The following KCNIP1 variants were observed in gnomAD, a reference collection of about 807,000 sequenced individuals.
KCNIP1 encodes A-type potassium channel modulatory protein KCNIP1.
A neutral mutation model predicts 33.0 loss-of-function variants in KCNIP1; 18 were observed. The observed-to-expected ratio is 0.55, with a 90% CI of 0.38 to 0.81. KCNIP1 has a LOEUF of 0.81. Among genes scored for constraint, KCNIP1 ranks in the 30% least tolerant of loss-of-function variants. The pLI is 0.00. For missense variants in KCNIP1, 238 were observed against 271.6 expected (o/e 0.88, Z 0.87); for synonymous variants, 93 against 98.3 (o/e 0.95, Z 0.32).
At chr5:170,503,770 A>G (rs1021812551), upstream of KCNIP1, among the ~76,000 whole-genome samples, 1 of 144,036 alleles carries the variant, frequency 6.9e-6, no homozygotes, top group African/African-American at 2.6e-5. Context: ...ACACATACAC[A>G]CACACAGTCT....
chr5:170,608,849 C>A (rs1759034983), intron 1 of KCNIP1, among the ~76,000 whole-genome samples: 1 of 152,092 alleles, frequency 6.6e-6, no homozygotes, highest in African/African-American at 2.4e-5. Context: ...CATATTACTC[C>A]CCCCTTACTC....
At chr5:170,390,327 G>A (rs529994857) in intron 1 of KCNIP1, among the ~76,000 whole-genome samples, 9 of 151,300 alleles carry the variant, frequency 5.9e-5, no homozygotes, top group African/African-American at 1.7e-4. Flanking sequence ...GCAACATGGC[G>A]AAACCCCATC....
intron 1 of KCNIP1, among the ~76,000 whole-genome samples, chr5:170,562,939 C>T (rs988377061): frequency 6.6e-6 from 1 of 152,242 alleles, no homozygotes; most frequent in Admixed American, 6.5e-5. Flanking sequence ...TTCTCCTGCA[C>T]TCTGGAAATG....
At chr5:170,631,009 C>A (rs532392842) in intron 1 of KCNIP1, among the ~76,000 whole-genome samples, 1 of 152,240 alleles carries the variant, frequency 6.6e-6, no homozygotes, top group East Asian at 1.9e-4. Flanking sequence ...AATAAGGGTA[C>A]GAGGCTTGAG....
chr5:170,390,539 T>TATATATATATATATATATATATATATA (rs1581143220), intron 1 of KCNIP1, among the ~76,000 whole-genome samples: 26 of 133,718 alleles, frequency 1.9e-4, no homozygotes, highest in Admixed American at 3.8e-4. Flanking sequence ...TATATATATA[T>TATATATATATATATATATATATATATA]TTTCAACAAA....
At chr5:170,611,713 T>C (rs1332725544) in intron 1 of KCNIP1, among the ~76,000 whole-genome samples, 2 of 152,266 alleles carry the variant, frequency 1.3e-5, no homozygotes, top group East Asian at 3.9e-4. Flanking sequence ...CTAATCGTTT[T>C]CAGAGGAAAG....
At chr5:170,587,273 T>C (rs118109483) in intron 1 of KCNIP1, among the ~76,000 whole-genome samples, 12,279 of 112,886 alleles carry the variant, frequency 0.11, 577 homozygotes, top group South Asian at 0.19. Context: ...ATAGAAAAAT[T>C]AGCCGGGTGT....
At chr5:170,629,558 C>T (rs1452115681) in intron 1 of KCNIP1, among the ~76,000 whole-genome samples, 2 of 152,200 alleles carry the variant, frequency 1.3e-5, no homozygotes, top group African/African-American at 4.8e-5. Context: ...CACCCCAGCA[C>T]ACTGTCCTTT....
chr5:170,468,971 C>G (rs1344649292), intron 1 of KCNIP1, among the ~76,000 whole-genome samples: 3 of 151,952 alleles, frequency 2.0e-5, no homozygotes, highest in Non-Finnish European at 4.4e-5. Flanking sequence ...CCAGAGGTAA[C>G]CATCATTACA....
At chr5:170,708,306 C>T (rs1455362843) in intron 1 of KCNIP1, among the ~76,000 whole-genome samples, 2 of 152,156 alleles carry the variant, frequency 1.3e-5, no homozygotes, top group African/African-American at 2.4e-5. Flanking sequence ...TCTTCAAATG[C>T]CAGCATGCCA....
chr5:170,508,411 A>G (rs1185786274), intron 1 of KCNIP1, among the ~76,000 whole-genome samples: 2 of 152,202 alleles, frequency 1.3e-5, no homozygotes, highest in East Asian at 3.8e-4. Context: ...CAGGGAACTT[A>G]TGGAAGCAGA....
At position 170,617,892 on chromosome 5, in the gene KCNIP1, C is replaced by T. The variant is rs765696742; in HGVS notation, c.62-100866C>T. Among the ~76,000 whole-genome samples the T allele has an allele frequency of 8.7e-4, 133 of 152,126 alleles. 1 individual carries two copies. The highest frequency in any genetic ancestry group is 1.4e-3 in the Non-Finnish European group (93 of 68,034). On this transcript the variant is annotated intron_variant, in intron 1 of 7. Transcript: ENST00000328939. Reference sequence around the variant, plus strand: ...ATCTATTGCACACTTACTTTTCCTTCGAGGTAGGTGAGAGAGTAAATAAGA... The same window carrying T: ...ATCTATTGCACACTTACTTTTCCTTTGAGGTAGGTGAGAGAGTAAATAAGA...
chr5:170,564,610 A>C (rs1341221030), intron 1 of KCNIP1, among the ~76,000 whole-genome samples: 1 of 152,126 alleles, frequency 6.6e-6, no homozygotes, highest in Non-Finnish European at 1.5e-5. Flanking sequence ...TTAAGAAAAC[A>C]CCTCAAATAA....
chr5:170,390,502 CA>C (rs1296285736), intron 1 of KCNIP1, among the ~76,000 whole-genome samples: 18 of 35,802 alleles, frequency 5.0e-4, no homozygotes, highest in South Asian at 6.9e-4. Flanking sequence ...GACCCCGTCT[CA>C]AAAAAAAAAA....
chr5:170,550,425 G>A (rs903245720), intron 1 of KCNIP1, among the ~76,000 whole-genome samples: 1 of 152,196 alleles, frequency 6.6e-6, no homozygotes, highest in Non-Finnish European at 1.5e-5. Flanking sequence ...CAGGAATGAC[G>A]ATGATGATTA....
intron 1 of KCNIP1, among the ~76,000 whole-genome samples, chr5:170,656,279 A>C (rs1761260817): frequency 6.6e-6 from 1 of 152,220 alleles, no homozygotes; most frequent in South Asian, 2.1e-4. Context: ...CAAGAAACAC[A>C]CAAGAATTAA....
chr5:170,699,451 A>G (rs969945917), intron 1 of KCNIP1, among the ~76,000 whole-genome samples: 1 of 148,644 alleles, frequency 6.7e-6, no homozygotes, highest in Non-Finnish European at 1.5e-5. Flanking sequence ...TAATTATCAC[A>G]CCTCCTTTGC....
intron 1 of KCNIP1, among the ~76,000 whole-genome samples, chr5:170,484,942 CTTTTTTT>C (rs397999898): frequency 7.7e-6 from 1 of 129,474 alleles, no homozygotes; most frequent in African/African-American, 2.9e-5. Context: ...TTTCTTTTTT[CTTTTTTT>C]TTTTTTTTGA....
chr5:170,435,485 C>T (rs60629514), intron 1 of KCNIP1, among the ~76,000 whole-genome samples: 1 of 152,186 alleles, frequency 6.6e-6, no homozygotes, highest in Non-Finnish European at 1.5e-5. Context: ...ATCTGGAGAG[C>T]GGGGCTGGAC....
Sources: gnomAD v4.1 joint callset for allele counts (sites outside exome capture counted in the v4.1 genomes callset) on GRCh38, gnomAD v4.1.1 for gene constraint, MANE v1.5 for transcripts, NCBI Gene and HGNC (gene_info 2026-07-23, HGNC 2026-07-21) for gene names.